The following DMD variants were observed in gnomAD, a reference collection of about 807,000 sequenced individuals.
DMD encodes mutant dystrophin.
DMD carries 63 observed loss-of-function variants against 330.1 expected under a neutral mutation model. That is an observed-to-expected ratio of 0.19 (90% confidence interval 0.16 to 0.24). The LOEUF (loss-of-function observed/expected upper bound fraction) is 0.24, where lower values mean the gene tolerates loss of function less well. Ranked by LOEUF, DMD falls within the 10% of genes least tolerant of loss-of-function variation. The pLI, the probability that DMD is intolerant of heterozygous loss-of-function variation, is 1.00. For missense variants in DMD, 3,344 were observed against 2,684.1 expected, an observed-to-expected ratio of 1.25 and a Z score of -5.43; for synonymous variants, 1,223 against 959.8, an observed-to-expected ratio of 1.27 and a Z score of -5.07.
intron 63 of DMD, among the ~76,000 whole-genome samples, chrX:31,228,275 TA>T (rs779738772): frequency 0.36 from 29,855 of 83,722 alleles, 4,052 homozygotes; most frequent in South Asian, 0.41. Context: ...AATAAAAAAA[TA>T]AAAAAAAAAA....
intron 1 of DMD, among the ~76,000 whole-genome samples, chrX:33,030,500 G>T (rs187812657): frequency 6.2e-5 from 7 of 112,021 alleles, no homozygotes. Context: ...ATGAGTATGT[G>T]GGTGTAGACT....
chrX:31,332,330 T>C (rs1390786478), intron 61 of DMD, among the ~76,000 whole-genome samples: 2 of 112,381 alleles, frequency 1.8e-5, no homozygotes, highest in African/African-American at 6.5e-5. Flanking sequence ...CGAATTACAG[T>C]TGACCTGTAG....
At chrX:31,470,536 GC>G (rs1160664520) in intron 59 of DMD, among the ~76,000 whole-genome samples, 8 of 112,016 alleles carry the variant, frequency 7.1e-5, no homozygotes, top group African/African-American at 2.6e-4. Flanking sequence ...TCCCAGAGGG[GC>G]ACCTGCCAGA....
chrX:31,195,901 ATGAAG>A (rs1218717309), intron 67 of DMD, among the ~76,000 whole-genome samples: 3 of 111,731 alleles, frequency 2.7e-5, no homozygotes, highest in African/African-American at 9.8e-5. Flanking sequence ...GGTCATAACA[ATGAAG>A]TGCTACTTTA....
chrX:33,225,716 T>C (rs1452150008), intron 1 of DMD, among the ~76,000 whole-genome samples: 1 of 110,731 alleles, frequency 9.0e-6, no homozygotes, highest in Non-Finnish European at 1.9e-5. Flanking sequence ...TTTGATAAAT[T>C]TGACATACAA....
intron 7 of DMD, among the ~76,000 whole-genome samples, chrX:32,734,252 T>C (rs1213451265): frequency 9.8e-6 from 1 of 102,349 alleles, no homozygotes; most frequent in Admixed American, 1.1e-4. Flanking sequence ...TAACAGGATC[T>C]GAAATTGTGG....
intron 53 of DMD, among the ~76,000 whole-genome samples, chrX:31,663,394 C>T (rs1231174562): frequency 9.0e-6 from 1 of 110,963 alleles, no homozygotes; most frequent in African/African-American, 3.3e-5. Context: ...TTTGTCAGCT[C>T]CTTCATTCCT....
chrX:32,828,920 G>T (rs2148885692), intron 4 of DMD, among the ~76,000 whole-genome samples: 1 of 111,335 alleles, frequency 9.0e-6, no homozygotes, highest in East Asian at 2.8e-4. Flanking sequence ...AATTCCATGT[G>T]TGAATTGTCT....
At chrX:32,567,700 T>C (rs1163559702) in intron 15 of DMD, among the ~76,000 whole-genome samples, 1 of 112,546 alleles carries the variant, frequency 8.9e-6, no homozygotes, top group East Asian at 2.8e-4. Context: ...CCCAGCCCAA[T>C]AGATAGGTTT....
chrX:32,657,225 G>C (rs2060637597), intron 9 of DMD, among the ~76,000 whole-genome samples: 1 of 111,206 alleles, frequency 9.0e-6, no homozygotes. Flanking sequence ...AAAGAAATAA[G>C]CACTGTTATG....
intron 9 of DMD, among the ~76,000 whole-genome samples, chrX:32,678,243 G>C (rs1399989912): frequency 8.9e-6 from 1 of 112,311 alleles, no homozygotes; most frequent in Non-Finnish European, 1.9e-5. Context: ...TAAATCTGTT[G>C]AGTGTCCTTA....
intron 11 of DMD, among the ~76,000 whole-genome samples, chrX:32,636,687 G>A (rs764407579): frequency 6.8e-4 from 76 of 111,736 alleles, no homozygotes; most frequent in African/African-American, 2.2e-3. Flanking sequence ...TAAAGAAGCT[G>A]CGTGGCTGGA....
chrX:32,133,632 C>T (rs181711864), intron 44 of DMD, among the ~76,000 whole-genome samples: 1 of 111,120 alleles, frequency 9.0e-6, no homozygotes, highest in Admixed American at 9.6e-5. Flanking sequence ...CAACTTTATC[C>T]CTTCCAGTTA....
intron 21 of DMD, among the ~76,000 whole-genome samples, chrX:32,476,034 T>C (rs2041199516): frequency 9.0e-6 from 1 of 111,149 alleles, no homozygotes; most frequent in Admixed American, 9.6e-5. Context: ...TTAGTTACAA[T>C]GAAGCAAATG....
chrX:31,772,601 T>C (rs1213764399), intron 51 of DMD, among the ~76,000 whole-genome samples: 1 of 111,274 alleles, frequency 9.0e-6, no homozygotes. Flanking sequence ...ACCGCAGCAA[T>C]AGTATGTATT....
At chrX:31,328,337 A>G (rs1323257396) in intron 61 of DMD, among the ~76,000 whole-genome samples, 2 of 111,031 alleles carry the variant, frequency 1.8e-5, no homozygotes, top group African/African-American at 3.4e-5. Flanking sequence ...CTTTATTGAT[A>G]TAAGTGTAAA....
chrX:31,351,732 A>AAAAAAAAAAAAAAG, intron 60 of DMD, among the ~76,000 whole-genome samples: 1 of 107,402 alleles, frequency 9.3e-6, no homozygotes, highest in Non-Finnish European at 1.9e-5. Flanking sequence ...TCTCAAAAAA[A>AAAAAAAAAAAAAAG]AAAAAAAAAA....
intron 55 of DMD, among the ~76,000 whole-genome samples, chrX:31,519,605 T>A (rs2072562135): frequency 9.0e-6 from 1 of 111,641 alleles, no homozygotes; most frequent in Admixed American, 9.5e-5. Flanking sequence ...TTACAATAGG[T>A]TAATGATAGG....
At chrX:32,609,397 TTTTA>T (rs2056985152) in intron 12 of DMD, among the ~76,000 whole-genome samples, 1 of 111,200 alleles carries the variant, frequency 9.0e-6, no homozygotes, top group African/African-American at 3.3e-5. Flanking sequence ...TGCCTGAGTC[TTTTA>T]TATAAGACTC....
Sources: gnomAD v4.1 joint callset for allele counts (sites outside exome capture counted in the v4.1 genomes callset) on GRCh38, gnomAD v4.1.1 for gene constraint, MANE v1.5 for transcripts, NCBI Gene and HGNC (gene_info 2026-07-23, HGNC 2026-07-21) for gene names.